Variants in ZDHHC24 observed in about 807,000 individuals in gnomAD.
ZDHHC24 encodes the protein probable palmitoyltransferase ZDHHC24.
A neutral mutation model predicts 23.2 loss-of-function variants in ZDHHC24; 17 were observed. The ratio of observed to expected loss-of-function variants is 0.73; its 90% confidence interval spans 0.50 to 1.10. The LOEUF (loss-of-function observed/expected upper bound fraction) is 1.10, where lower values mean the gene tolerates loss of function less well. Among genes scored for constraint, ZDHHC24 ranks in the 50% least tolerant of loss-of-function variants. The pLI is 0.00. For synonymous variants in ZDHHC24, 186 were observed against 194.5 expected, an observed-to-expected ratio of 0.96 and a Z score of 0.36; for missense variants, 366 against 393.0, an observed-to-expected ratio of 0.93 and a Z score of 0.58.
rs1177097734 is a variant in ZDHHC24 at position 66,545,125 on chromosome 11, C to T, written c.281+598G>A. On this transcript the variant is annotated intron_variant, in intron 1 of 2. Transcript: ENST00000310442. The surrounding 1 kb of genome is among the most constrained non-coding windows in gnomAD (Gnocchi z 4.5). ...CTCGATCTCGGCTCACTGCAACCTC[C>T]GCCTCCCAGGTTCAAACAATTCTCT... 2.0e-5 allele frequency among the ~76,000 whole-genome samples: 3 copies of T among 152,238 alleles called. No individual in the cohort carries two copies. The highest frequency in any genetic ancestry group is 4.4e-5 in the Non-Finnish European group (3 of 68,018).
Position 66,523,603 on chromosome 11 carries a change from C to G in ZDHHC24, c.*22-2137G>C, listed in dbSNP as rs201437917. 4.1e-5 allele frequency: 66 copies of G among 1,613,926 alleles called. No homozygotes were observed. The East Asian group carries it at 1.2e-3, about 28-fold the overall frequency. On this transcript the variant is annotated intron_variant, in intron 4 of 4. Transcript: ENST00000526986. ...TGCAGCCCCCAGCAAGCAGCAGCCC[C>G]TCCACGCCTATGTCCCTAGCCCCCA...
chr11:66,524,863 T>C (rs1030676845), intron 4 of ZDHHC24, among the ~76,000 whole-genome samples: 1 of 151,904 alleles, frequency 6.6e-6, no homozygotes, highest in East Asian at 1.9e-4. Flanking sequence ...TGGAACAGCC[T>C]GGCCAACATG....
chr11:66,526,847 A>G (rs745943071), intron 4 of ZDHHC24: 4 of 1,614,058 alleles, frequency 2.5e-6, no homozygotes, highest in Admixed American at 3.3e-5. Flanking sequence ...TTCCTCCTCC[A>G]CTGCTCCTAC....
chr11:66,521,735 G>A (rs1303964741), intron 4 of ZDHHC24: 20 of 322,870 alleles, frequency 6.2e-5, no homozygotes, highest in South Asian at 1.9e-4. Context: ...GTGAAACCCC[G>A]TCTCTACTAA....
downstream of ZDHHC24, among the ~76,000 whole-genome samples, chr11:66,534,267 A>AC (rs1210658596): frequency 1.0e-4 from 15 of 150,540 alleles, no homozygotes; most frequent in Admixed American, 4.7e-4. Flanking sequence ...ACATGGTGAA[A>AC]CCCCATCTCT....
Position 66,539,692 on chromosome 11 carries a change from GCCCACTCCCATGTGGT to G in ZDHHC24, c.676_691del (p.Thr226LeufsTer68). Reference sequence around the variant, plus strand: ...CAGGTCATAGGAGTGCTGGCCCCGAGCCCACTCCCATGTGGTCTGGCCCCGCAGCAGCAGCATCCCA... The same window carrying G: ...CAGGTCATAGGAGTGCTGGCCCCGAGCTGGCCCCGCAGCAGCAGCATCCCA... On this transcript the variant is annotated frameshift_variant, in exon 3 of 3. Coordinates refer to ENST00000310442, the MANE Select transcript of ZDHHC24 (RefSeq NM_207340.3). LOFTEE classifies it high-confidence loss of function. The G allele has an allele frequency of 6.2e-7, 1 of 1,611,786 alleles. No individual in the cohort carries two copies. The highest frequency in any genetic ancestry group is 8.5e-7 in the Non-Finnish European group (1 of 1,179,710).
chr11:66,533,962 A>G (rs1856879185), downstream of ZDHHC24, among the ~76,000 whole-genome samples: 1 of 151,602 alleles, frequency 6.6e-6, no homozygotes, highest in Non-Finnish European at 1.5e-5. Context: ...TGAGGTCAGG[A>G]GTTTGAGACC....
chr11:66,545,621 C>G lies in ZDHHC24; in HGVS notation c.281+102G>C. On this transcript the variant is annotated intron_variant, in intron 1 of 2. Transcript: ENST00000310442. This position sits in a 1 kb window ranked among gnomAD's most constrained non-coding sequence, Gnocchi z 4.5. ...TAAAAAAATGTCTGATTCTAACAAC[C>G]TGGATCCTAATGTAACCCGGTTCTA... 1.5e-6 allele frequency: 2 copies of G among 1,307,312 alleles called. No individual in the cohort carries two copies. The highest frequency in any genetic ancestry group is 3.3e-5 in the South Asian group (2 of 61,358). 81.0% of individuals were successfully genotyped at this position (1,307,312 alleles called of 1,614,324 possible).
In ZDHHC24 at chr11:66,543,694, G is replaced by A; in HGVS notation, c.559+10C>T. 6.4e-7 allele frequency: 1 copy of A among 1,565,054 alleles called. No individual in the cohort carries two copies. The highest frequency in any genetic ancestry group is 8.7e-7 in the Non-Finnish European group (1 of 1,154,446). Reference sequence around the variant, plus strand: ...CCTGCCTCTGTGCAGAGGCCTCCCAGGCTCCCCACCTGTGAGCAACATGAG... The same window carrying A: ...CCTGCCTCTGTGCAGAGGCCTCCCAAGCTCCCCACCTGTGAGCAACATGAG... On this transcript the variant is annotated intron_variant, in intron 2 of 2. Coordinates refer to ENST00000310442, the MANE Select transcript of ZDHHC24 (RefSeq NM_207340.3).
rs1857023997 is a variant in ZDHHC24 at position 66,537,895 on chromosome 11, T to C, written c.*1634A>G. 1 of 150,566 alleles carries C rather than the reference T, an allele frequency of 6.6e-6. No individual in the cohort carries two copies. Among genetic ancestry groups the C allele is most frequent in the South Asian group, 2.1e-4 (1 of 4,762 alleles). 9.3% of individuals were successfully genotyped at this position (150,566 alleles called of 1,614,324 possible). A position where few individuals can be genotyped will look rare whatever the true frequency, so the allele number is the denominator to read the frequency against. On this transcript the variant is annotated 3_prime_UTR_variant, in exon 3 of 3. Transcript: ENST00000310442. Reference sequence around the variant, plus strand: ...GTGAGCCGAGATCGTGCCACTGCACTCCAGCCTGGCAACAGAACAAGAGTC... The same window carrying C: ...GTGAGCCGAGATCGTGCCACTGCACCCCAGCCTGGCAACAGAACAAGAGTC...
downstream of ZDHHC24, among the ~76,000 whole-genome samples, chr11:66,531,342 G>A (rs990427506): frequency 2.2e-4 from 34 of 152,212 alleles, no homozygotes; most frequent in African/African-American, 8.2e-4. Context: ...ACCCCAGAGT[G>A]TGAAGGGCCT....
downstream of ZDHHC24, chr11:66,531,581 G>C: frequency 6.3e-7 from 1 of 1,589,824 alleles, no homozygotes; most frequent in Non-Finnish European, 8.6e-7. Flanking sequence ...TGGAGACTGC[G>C]GGCCTGAATG....
At chr11:66,530,605 T>G (rs1856734588) in intron 2 of ZDHHC24, among the ~76,000 whole-genome samples, 1 of 149,098 alleles carries the variant, frequency 6.7e-6, no homozygotes, top group African/African-American at 2.5e-5. Context: ...AGGATGAGAG[T>G]GGGAGGTGGA....
chr11:66,529,621 A>C lies in ZDHHC24; in HGVS notation c.560-133T>G, dbSNP rs559531089. 56 of 709,872 alleles carry C rather than the reference A, an allele frequency of 7.9e-5. 1 individual carries two copies. In the South Asian group the frequency reaches 9.2e-4, roughly 12 times the overall value. 44.0% of individuals were successfully genotyped at this position (709,872 alleles called of 1,614,324 possible). ...GCAGGGAGGTGGTAAGAGAGTGAGA[A>C]GAGGCAGGGCGAGGCCACGGCGTCG... On this transcript the variant is annotated intron_variant, in intron 2 of 4. Coordinates refer to the ZDHHC24 transcript ENST00000526986.
chr11:66,532,226 G>T (rs1856816841), downstream of ZDHHC24: 1 of 626,406 alleles, frequency 1.6e-6, no homozygotes, highest in Non-Finnish European at 2.8e-6. Flanking sequence ...ACCTAGGGCG[G>T]CTCAACTCCT....
chr11:66,524,215 GGT>G, intron 4 of ZDHHC24: 3 of 372,574 alleles, frequency 8.1e-6, no homozygotes, highest in South Asian at 6.3e-5. Context: ...GGGAGGCGGA[GGT>G]TGCAGTGAGC....
chr11:66,543,803 A>G lies in ZDHHC24; in HGVS notation c.460T>C (p.Ser154Pro). 6.2e-7 allele frequency: 1 copy of G among 1,613,330 alleles called. No individual in the cohort carries two copies. The highest frequency in any genetic ancestry group is 8.5e-7 in the Non-Finnish European group (1 of 1,179,638). ...GACAGTGCAGGGCCCAGCAGCACAGAGACGTGGAGCAGGACGCCGGCGGCA... is the reference window on the plus strand; with the variant it reads ...GACAGTGCAGGGCCCAGCAGCACAGGGACGTGGAGCAGGACGCCGGCGGCA... The part of the protein sequence containing the change: ...LHAAGVLLHV[S>P]VLLGPALSAL... The change falls in exon 2 of 3, where the codon TCT (serine) becomes CCT (proline). Residue 154 changes from serine (S) to proline (P), a missense_variant. Ser to Pro is a moderately conservative substitution (Grantham distance 74). Coordinates refer to ENST00000310442, the MANE Select transcript of ZDHHC24 (RefSeq NM_207340.3).
intron 2 of ZDHHC24, among the ~76,000 whole-genome samples, chr11:66,541,121 G>A (rs1857138902): frequency 6.6e-6 from 1 of 152,184 alleles, no homozygotes; most frequent in South Asian, 2.1e-4. Flanking sequence ...GTTAAAATGG[G>A]CCGGGTGTGG....
At chr11:66,542,027 C>T (rs1590795091) in intron 2 of ZDHHC24, among the ~76,000 whole-genome samples, 1 of 151,952 alleles carries the variant, frequency 6.6e-6, no homozygotes, top group East Asian at 1.9e-4. Flanking sequence ...CTGAGGCCTC[C>T]AAGCAGGGAG....
Sources: allele counts gnomAD v4.1 joint callset (sites outside exome capture counted in the v4.1 genomes callset), GRCh38; gene constraint gnomAD v4.1.1; non-coding constraint Gnocchi (gnomAD v3.1); transcripts MANE v1.5; gene names NCBI Gene and HGNC (gene_info 2026-07-23, HGNC 2026-07-21).